Variants in ZACN observed in about 807,000 individuals in gnomAD.
ZACN encodes ligand-gated cation channel ZACN.
In ZACN, 52 loss-of-function variants were observed where a neutral mutation model predicts 38.9. That is an observed-to-expected ratio of 1.34 (90% CI 1.07 to 1.68). The LOEUF (loss-of-function observed/expected upper bound fraction) is 1.68, where lower values mean the gene tolerates loss of function less well. ZACN is among the 40% of genes most tolerant of loss of function. The probability of loss-of-function intolerance (pLI) is 0.00; values close to 1 mark genes in which losing one functional copy is unlikely to be tolerated. For missense variants in ZACN, 559 were observed against 525.6 expected (o/e 1.06, Z -0.62); for synonymous variants, 235 against 227.4 (o/e 1.03, Z -0.30).
Position 76,082,000 on chromosome 17 carries a change from G to A in ZACN, c.999G>A (p.Pro333=), listed in dbSNP as rs772638346. 43 of 1,611,684 alleles carry A rather than the reference G, an allele frequency of 2.7e-5. No individual in the cohort carries two copies. The highest frequency in any genetic ancestry group is 2.3e-4 in the Admixed American group (14 of 59,616). The change falls in exon 8 of 9, where the codon CCG becomes CCA. Residue 333 remains proline, a synonymous_variant. Coordinates refer to ENST00000334586, the MANE Select transcript of ZACN (RefSeq NM_180990.4). The part of the protein sequence containing the change: ...LGAKSGPSPA[P]RGEQREHGNP... ...CCAAGAGCGGCCCCAGCCCAGCCCC[G>A]AGAGGGGAACAGCGAGAGCACGGCA...
At chr17:76,082,085 G>A (rs765880914) in intron 8 of ZACN, 36 bp downstream of exon 8, 1 of 1,561,926 alleles carries the variant, frequency 6.4e-7, no homozygotes, top group Non-Finnish European at 8.6e-7. Context: ...ATGAGGCCTA[G>A]GTGCACACCT....
At position 76,079,858 on chromosome 17, in the gene ZACN, G is replaced by T. The variant is rs200146097; in HGVS notation, c.268-30G>T. 1.8e-5 allele frequency: 29 copies of T among 1,588,846 alleles called. No homozygotes were observed. The South Asian group carries it at 3.3e-4, about 18-fold the overall frequency. ...TAGGGGCATGGATATGTGGAGAGCA[G>T]GAGCCTCAGTGGTGCCCTTGTGTCC... is the stretch of plus-strand genomic sequence containing the variant. On this transcript the variant is annotated intron_variant, in intron 3 of 8. Coordinates refer to ENST00000334586, the MANE Select transcript of ZACN (RefSeq NM_180990.4).
Position 76,081,979 on chromosome 17 carries a change from G to C in ZACN, c.978G>C (p.Lys326Asn), listed in dbSNP as rs139224066. Residue 326 changes from lysine (K) to asparagine (N), a missense_variant, in exon 8 of 9, where the codon AAG (lysine) becomes AAC (asparagine). Coordinates refer to ENST00000334586, the MANE Select transcript of ZACN (RefSeq NM_180990.4). Reference protein sequence around the residue: ...GLLARGNLGAKSGPSPAPRGE... With the variant: ...GLLARGNLGANSGPSPAPRGE... The stretch of plus-strand genomic sequence containing the variant: ...TGGCCCGGGGCAACCTTGGGGCCAA[G>C]AGCGGCCCCAGCCCAGCCCCGAGAG... The C allele has an allele frequency of 1.6e-4, 262 of 1,612,382 alleles. No individual in the cohort carries two copies. In the African/African-American group the frequency reaches 3.0e-3, roughly 18 times the overall value.
intron 5 of ZACN, chr17:76,080,952 G>GT (rs376037291): frequency 1.5e-5 from 6 of 400,586 alleles, no homozygotes; most frequent in African/African-American, 4.1e-5. Context: ...CGGTAGCCCT[G>GT]GGGATCCTGC....
chr17:76,079,568 G>A lies in ZACN; in HGVS notation c.222+5G>A, dbSNP rs1298454174. On this transcript the variant is annotated splice_donor_5th_base_variant and intron_variant, in intron 2 of 8. Transcript: ENST00000334586. ...GTCTCCAACGTGTTTAATGTGGTAA[G>A]TGCCTCTAGGCCAAGGGCCCCAAGT... 1.2e-6 allele frequency: 2 copies of A among 1,614,092 alleles called. No homozygotes were observed. Among genetic ancestry groups the A allele is most frequent in the Non-Finnish European group, 1.7e-6 (2 of 1,180,034 alleles).
Position 76,079,348 on chromosome 17 carries a change from A to G in ZACN, c.84A>G (p.Gln28=), listed in dbSNP as rs756558136. The G allele has an allele frequency of 8.7e-6, 14 of 1,614,088 alleles. No individual in the cohort carries two copies. The East Asian group carries it at 2.9e-4, about 33-fold the overall frequency. The change falls in exon 1 of 9, where the codon CAA becomes CAG. Residue 28 remains glutamine, a synonymous_variant. Transcript: ENST00000334586. ...TGTTGGTCCACGGGCAGGGCTTCCA[A>G]GGGACAGCAGCCAGTAGGTGGAGGG... ...TLLLVHGQGF[Q]GTAAIWPSLF... is the part of the protein sequence containing the mutation.
chr17:76,079,621 G>A (rs2066919070), intron 2 of ZACN, 58 bp downstream of exon 2: 1 of 1,612,630 alleles, frequency 6.2e-7, no homozygotes, highest in Non-Finnish European at 8.5e-7. Context: ...ACAGGACTCA[G>A]CCCTGGATAG....
Position 76,082,617 on chromosome 17 carries a change from A to C in ZACN, c.1203A>C (p.Gly401=), listed in dbSNP as rs2067031712. The C allele has an allele frequency of 1.9e-6, 3 of 1,613,028 alleles. No homozygotes were observed. Among genetic ancestry groups the C allele is most frequent in the Non-Finnish European group, 2.5e-6 (3 of 1,179,780 alleles). Residue 401 remains glycine, a synonymous_variant, in exon 9 of 9, where the codon GGA becomes GGC. Coordinates refer to ENST00000334586, the MANE Select transcript of ZACN (RefSeq NM_180990.4). ...CGTGCAAGTCTGACGCAGCCCCTGG[A>C]GAGGCTGCACCCCATGGCAGGCGGC... ...WAACKSDAAP[G]EAAPHGRRPR... is the part of the protein sequence containing the mutation.
chr17:76,081,883 T>C lies in ZACN; in HGVS notation c.882T>C (p.Ile294=). 1 of 1,609,296 alleles carries C rather than the reference T, an allele frequency of 6.2e-7. No homozygotes were observed. The highest frequency in any genetic ancestry group is 8.5e-7 in the Non-Finnish European group (1 of 1,176,926). ...PSSSSCNPLL[I]YYFTILLLLL... ...CTCCCTGTGCCCTGCCTCCCCCAGTTTACTACTTCACCATCCTGCTGCTGC... is the reference window on the plus strand; with the variant it reads ...CTCCCTGTGCCCTGCCTCCCCCAGTCTACTACTTCACCATCCTGCTGCTGC... Residue 294 remains isoleucine (I), a splice_region_variant and synonymous_variant, in exon 8 of 9, where the codon ATT becomes ATC. Coordinates refer to ENST00000334586, the MANE Select transcript of ZACN (RefSeq NM_180990.4).
intron 8 of ZACN, 44 bp from the exon 9 acceptor site, chr17:76,082,419 G>A: frequency 6.5e-7 from 1 of 1,539,036 alleles, no homozygotes; most frequent in East Asian, 2.3e-5. Flanking sequence ...TCATGTTGAG[G>A]GGACCTTGAA....
At chr17:76,080,226 G>T (rs1001523212) in intron 4 of ZACN, 29 bp from the exon 5 acceptor site, 2 of 1,595,158 alleles carry the variant, frequency 1.3e-6, no homozygotes, top group Non-Finnish European at 1.7e-6. Context: ...AAGGGGCTGG[G>T]GCTCTGGCTG....
At position 76,080,361 on chromosome 17, in the gene ZACN, C is replaced by T. The variant is rs759503538; in HGVS notation, c.481C>T (p.Leu161Phe). ...LATETNCNFE[L>F]LHFPRDHSNC... is the part of the protein sequence containing the mutation. Reference sequence around the variant, plus strand: ...CACGGAGACCAACTGCAACTTTGAGCTCCTCCACTTCCCCCGGGACCACAG... The same window carrying T: ...CACGGAGACCAACTGCAACTTTGAGTTCCTCCACTTCCCCCGGGACCACAG... Residue 161 changes from leucine (L) to phenylalanine (F), a missense_variant, in exon 5 of 9, where the codon CTC becomes TTC. Leu to Phe is a conservative substitution (Grantham distance 22, BLOSUM62 0). Transcript: ENST00000334586. The T allele has an allele frequency of 2.5e-6, 4 of 1,613,834 alleles. No homozygotes were observed. The Admixed American group carries it at 6.7e-5, about 27-fold the overall frequency.
chr17:76,079,483 G>A lies in ZACN; in HGVS notation c.142G>A (p.Glu48Lys). The change falls in exon 2 of 9, where the codon GAA becomes AAA. Residue 48 changes from glutamate to lysine, a missense_variant. By Grantham distance (56) the Glu-to-Lys change is moderately conservative. Coordinates refer to ENST00000334586, the MANE Select transcript of ZACN (RefSeq NM_180990.4). ...FNVNLSKKVQ[E>K]SIQIPNNGSA... is the part of the protein sequence containing the mutation. ...CGTCAACTTGTCCAAGAAGGTTCAG[G>A]AAAGCATCCAGATCCCGAACAATGG... 1 of 1,614,144 alleles carries A rather than the reference G, an allele frequency of 6.2e-7. No individual in the cohort carries two copies. The highest frequency in any genetic ancestry group is 8.5e-7 in the Non-Finnish European group (1 of 1,180,016).
At position 76,079,965 on chromosome 17, in the gene ZACN, C is replaced by T; in HGVS notation, c.345C>T (p.Leu115=). The T allele has an allele frequency of 6.3e-7, 1 of 1,595,080 alleles. No homozygotes were observed. The change falls in exon 4 of 9, where the codon CTC becomes CTT. Residue 115 remains leucine, a synonymous_variant. Coordinates refer to ENST00000334586, the MANE Select transcript of ZACN (RefSeq NM_180990.4). ...CCATCACGCTGCCCTGGGAGTCTCT[C>T]TGGACACCAAGGCTCACCATCCTGG... ...RHAITLPWES[L]WTPRLTILEA...
chr17:76,081,403 G>T lies in ZACN; in HGVS notation c.669+1G>T, dbSNP rs141382007. The T allele has an allele frequency of 3.4e-4, 554 of 1,614,082 alleles. No individual in the cohort carries two copies. Among genetic ancestry groups the T allele is most frequent in the Non-Finnish European group, 4.5e-4 (528 of 1,180,036 alleles). On this transcript the variant is annotated splice_donor_variant, in intron 6 of 8. Transcript: ENST00000334586. LOFTEE classifies it high-confidence loss of function. ...GCTGGTGCCCTGCTTCCAGGTGACG[G>T]TGAGTCAAGTCGGGAGGAGGCCGAC...
intron 5 of ZACN, chr17:76,080,673 CCT>C (rs1209510038): frequency 6.2e-6 from 4 of 650,332 alleles, no homozygotes; most frequent in African/African-American, 5.3e-5. Flanking sequence ...CCTCAGGGCC[CCT>C]CTCTAGGGTG....
intron 5 of ZACN, 122 bp from the exon 6 acceptor site, chr17:76,081,156 A>G: frequency 7.0e-7 from 1 of 1,419,812 alleles, no homozygotes; most frequent in Non-Finnish European, 9.6e-7. Context: ...TTTGTGTCCA[A>G]GTCTGTCCCT....
At chr17:76,079,406 G>A in intron 1 of ZACN, 33 bp from the exon 2 acceptor site, 13 of 1,614,074 alleles carry the variant, frequency 8.1e-6, no homozygotes, top group Non-Finnish European at 1.1e-5. Context: ...TGGGCCCTAG[G>A]GCACCTGAGT....
intron 5 of ZACN, 160 bp from the exon 6 acceptor site, chr17:76,081,118 G>A: frequency 1.0e-6 from 1 of 953,998 alleles, no homozygotes; most frequent in African/African-American, 1.7e-5. Context: ...TGCAAAACAA[G>A]GTTTGGGAAG....
Sources: gnomAD v4.1 joint callset for allele counts on GRCh38, gnomAD v4.1.1 for gene constraint, MANE v1.5 for transcripts, NCBI Gene and HGNC (gene_info 2026-07-23, HGNC 2026-07-21) for gene names.